The following DMRT1 variants were observed in gnomAD, a reference collection of about 807,000 sequenced individuals.
DMRT1 encodes doublesex- and mab-3-related transcription factor 1.
Under a neutral mutation model 32.3 loss-of-function variants are expected in DMRT1, and 7 were observed. That is an observed-to-expected ratio of 0.22 (90% CI 0.12 to 0.41). The LOEUF (loss-of-function observed/expected upper bound fraction) is 0.41, where lower values mean the gene tolerates loss of function less well. DMRT1 is among the 10% of genes least tolerant of loss of function. The pLI, the probability that DMRT1 is intolerant of heterozygous loss-of-function variation, is 1.00. For missense variants in DMRT1, 625 were observed against 500.5 expected (o/e 1.25, Z -2.37); for synonymous variants, 278 against 206.1 (o/e 1.35, Z -2.99).
intron 3 of DMRT1, among the ~76,000 whole-genome samples, chr9:904,381 G>T (rs1373822921): frequency 2.0e-5 from 3 of 152,018 alleles, no homozygotes; most frequent in African/African-American, 7.3e-5. Context: ...TATTTCTGTG[G>T]TCTCTTAAGT....
intron 3 of DMRT1, among the ~76,000 whole-genome samples, chr9:905,482 GTGTGTC>G (rs2129702717): frequency 1.5e-5 from 2 of 132,918 alleles, no homozygotes; most frequent in South Asian, 2.3e-4. Context: ...CCCTGTGTGT[GTGTGTC>G]TGTGTGTGTG....
chr9:895,282 C>G (rs774473319), intron 3 of DMRT1, among the ~76,000 whole-genome samples: 1 of 152,156 alleles, frequency 6.6e-6, no homozygotes, highest in African/African-American at 2.4e-5. Flanking sequence ...TTGAAGGCAT[C>G]AAAAGCATTC....
At position 864,743 on chromosome 9, in the gene DMRT1, G is replaced by A. The variant is rs368018126; in HGVS notation, c.538+17600G>A. On this transcript the variant is annotated intron_variant, in intron 2 of 4. Coordinates refer to ENST00000382276, the MANE Select transcript of DMRT1 (RefSeq NM_021951.3). ...TCTCCATCTCCTAACCTTGCGATCCGCCCACCTCGGCCTCCCAAAGTGCTG... is the reference window on the plus strand; with the variant it reads ...TCTCCATCTCCTAACCTTGCGATCCACCCACCTCGGCCTCCCAAAGTGCTG... Among the ~76,000 whole-genome samples the A allele has an allele frequency of 4.3e-4, 66 of 151,802 alleles. 1 individual carries two copies. The highest frequency in any genetic ancestry group is 1.3e-3 in the African/African-American group (52 of 41,320).
At chr9:945,697 T>G (rs1472679900) in intron 4 of DMRT1, among the ~76,000 whole-genome samples, 2 of 152,064 alleles carry the variant, frequency 1.3e-5, no homozygotes, top group Admixed American at 6.5e-5. Context: ...GTTTTTATTC[T>G]CTGTAGTTCC....
At chr9:944,176 A>G (rs1329015909) in intron 4 of DMRT1, among the ~76,000 whole-genome samples, 1 of 152,186 alleles carries the variant, frequency 6.6e-6, no homozygotes, top group African/African-American at 2.4e-5. Flanking sequence ...AGGGCTTAAC[A>G]CTGCACCCGG....
Position 855,006 on chromosome 9 carries a change from A to G in DMRT1, c.538+7863A>G, listed in dbSNP as rs147572200. 5.3e-3 allele frequency among the ~76,000 whole-genome samples: 794 copies of G among 150,996 alleles called. 5 individuals carry two copies. The highest frequency in any genetic ancestry group is 0.018 in the African/African-American group (752 of 41,052). ...ATGGTCTCAATCTCCTGACCTCGTG[A>G]TCCGCCCGCCTCAGCCTCCCAAAGT... On this transcript the variant is annotated intron_variant, in intron 2 of 4. Coordinates refer to ENST00000382276, the MANE Select transcript of DMRT1 (RefSeq NM_021951.3).
chr9:925,092 G>A (rs977638317), intron 4 of DMRT1, among the ~76,000 whole-genome samples: 27 of 152,154 alleles, frequency 1.8e-4, no homozygotes, highest in African/African-American at 6.5e-4. Context: ...TAAGGATAAG[G>A]TCCATTCACT....
intron 4 of DMRT1, among the ~76,000 whole-genome samples, chr9:956,579 A>AAAAAC (rs910421934): frequency 3.9e-5 from 4 of 102,336 alleles, no homozygotes; most frequent in African/African-American, 1.9e-4. Flanking sequence ...AAAAAAAAAC[A>AAAAAC]AAAAACAAAA....
At chr9:853,596 C>G (rs1460422310) in intron 2 of DMRT1, among the ~76,000 whole-genome samples, 3 of 151,654 alleles carry the variant, frequency 2.0e-5, no homozygotes, top group Admixed American at 6.6e-5. Context: ...TCTCAGCCTC[C>G]TGAATAGCTG....
At chr9:861,927 C>T (rs1441363618) in intron 2 of DMRT1, among the ~76,000 whole-genome samples, 4 of 134,094 alleles carry the variant, frequency 3.0e-5, no homozygotes, top group South Asian at 2.5e-4. Flanking sequence ...GAGGCGCTCC[C>T]AACATCCCAG....
chr9:968,407 C>T lies in DMRT1; in HGVS notation c.*268C>T, dbSNP rs1004014172. On this transcript the variant is annotated 3_prime_UTR_variant, in exon 5 of 5. Coordinates refer to ENST00000382276, the MANE Select transcript of DMRT1 (RefSeq NM_021951.3). ...AATGACACTGGTTTCATGTAGTTTT[C>T]AAGAAATAAAAGAATTCATTCAAGT... The T allele has an allele frequency of 5.0e-6, 2 of 397,792 alleles. No homozygotes were observed. Among genetic ancestry groups the T allele is most frequent in the Middle Eastern group, 7.0e-4 (1 of 1,420 alleles). The allele number at this position is 397,792 out of a possible 1,614,324, so 24.6% of individuals were successfully genotyped here.
chr9:914,129 G>A (rs935251432), intron 3 of DMRT1, among the ~76,000 whole-genome samples: 1 of 152,196 alleles, frequency 6.6e-6, no homozygotes, highest in Non-Finnish European at 1.5e-5. Context: ...GGTGTGTGTA[G>A]TAAACAGCTA....
chr9:897,272 G>A (rs534433216), intron 3 of DMRT1, among the ~76,000 whole-genome samples: 2 of 151,736 alleles, frequency 1.3e-5, no homozygotes, highest in South Asian at 2.1e-4. Flanking sequence ...GCCATCACGC[G>A]TGGCTATTTT....
intron 4 of DMRT1, among the ~76,000 whole-genome samples, chr9:947,235 T>C (rs991172132): frequency 6.6e-6 from 1 of 152,206 alleles, no homozygotes; most frequent in African/African-American, 2.4e-5. Flanking sequence ...TTGTAAACTT[T>C]CTTAAAACAT....
At chr9:956,479 A>C (rs1819603412) in intron 4 of DMRT1, among the ~76,000 whole-genome samples, 1 of 151,494 alleles carries the variant, frequency 6.6e-6, no homozygotes, top group Non-Finnish European at 1.5e-5. Flanking sequence ...CAAGAGGATC[A>C]CCTGAGCCCA....
intron 1 of DMRT1, chr9:843,077 G>C (rs953508652): frequency 6.6e-6 from 1 of 152,220 alleles, no homozygotes; most frequent in Non-Finnish European, 1.5e-5. Context: ...ACCGCGCCTT[G>C]GGAGCAGAGG....
chr9:895,734 A>G (rs947218661), intron 3 of DMRT1, among the ~76,000 whole-genome samples: 3 of 151,190 alleles, frequency 2.0e-5, no homozygotes, highest in Non-Finnish European at 2.9e-5. Flanking sequence ...GGTGTACAGT[A>G]TATTATTAAG....
At chr9:894,338 A>ATGTG in intron 3 of DMRT1, 143 bp downstream of exon 3, 1 of 838,798 alleles carries the variant, frequency 1.2e-6, no homozygotes, top group Non-Finnish European at 1.9e-6. Flanking sequence ...ACACACACAT[A>ATGTG]TGTGTGTGTG....
At chr9:916,067 C>G (rs1362293418) in intron 3 of DMRT1, among the ~76,000 whole-genome samples, 1 of 152,120 alleles carries the variant, frequency 6.6e-6, no homozygotes, top group Non-Finnish European at 1.5e-5. Context: ...TATATGAACA[C>G]TGTAAGGTAA....
Sources: gnomAD v4.1 joint callset for allele counts (sites outside exome capture counted in the v4.1 genomes callset) on GRCh38, gnomAD v4.1.1 for gene constraint, MANE v1.5 for transcripts, NCBI Gene and HGNC (gene_info 2026-07-23, HGNC 2026-07-21) for gene names.